Variants in ADGRV1 observed in about 807,000 individuals in gnomAD.
ADGRV1 encodes the protein adhesion G protein-coupled receptor V1.
In ADGRV1, 359 loss-of-function variants were observed where a neutral mutation model predicts 596.2. That is an observed-to-expected ratio of 0.60 (90% confidence interval 0.55 to 0.66). ADGRV1 has a LOEUF of 0.66. ADGRV1 is among the 30% of genes least tolerant of loss of function. ADGRV1 has a pLI of 0.00. For synonymous variants in ADGRV1, 2,681 were observed against 2,679.2 expected, an observed-to-expected ratio of 1.00 and a Z score of -0.02; for missense variants, 7,274 against 7,575.6, an observed-to-expected ratio of 0.96 and a Z score of 1.48.
At chr5:91,021,006 A>G (rs1783589593) in intron 85 of ADGRV1, among the ~76,000 whole-genome samples, 1 of 152,068 alleles carries the variant, frequency 6.6e-6, no homozygotes, top group Non-Finnish European at 1.5e-5. Context: ...TAATATGTAA[A>G]TGAGAGTTTA....
At chr5:90,799,484 G>A (rs995448509) in intron 70 of ADGRV1, among the ~76,000 whole-genome samples, 28 of 152,216 alleles carry the variant, frequency 1.8e-4, no homozygotes, top group African/African-American at 5.5e-4. Flanking sequence ...AATTAATATC[G>A]TTAAAATGGC....
chr5:90,943,668 G>C (rs1426364245), intron 83 of ADGRV1, among the ~76,000 whole-genome samples: 1 of 152,090 alleles, frequency 6.6e-6, no homozygotes, highest in African/African-American at 2.4e-5. Context: ...CTAAAAAGTA[G>C]GGAAGAATCC....
intron 25 of ADGRV1, among the ~76,000 whole-genome samples, chr5:90,678,490 C>T (rs1328993962): frequency 6.6e-6 from 1 of 150,608 alleles, no homozygotes; most frequent in Non-Finnish European, 1.5e-5. Context: ...ATCTTTATAA[C>T]TCTTAGTCCA....
intron 52 of ADGRV1, among the ~76,000 whole-genome samples, chr5:90,747,231 C>T (rs1014668947): frequency 1.3e-5 from 2 of 152,040 alleles, no homozygotes; most frequent in Non-Finnish European, 2.9e-5. Context: ...AGCAAAGGCC[C>T]TGCAGTGTAG....
At chr5:90,675,595 G>A in intron 24 of ADGRV1, 150 bp downstream of exon 24, 1 of 766,232 alleles carries the variant, frequency 1.3e-6, no homozygotes, top group Admixed American at 2.5e-5. Context: ...GATTGCTTGA[G>A]GCCACCAGCA....
intron 85 of ADGRV1, among the ~76,000 whole-genome samples, chr5:91,071,746 A>G (rs1306042218): frequency 2.6e-5 from 4 of 151,548 alleles, no homozygotes; most frequent in African/African-American, 7.3e-5. Flanking sequence ...ATGATCTTGG[A>G]TCATTGCAAC....
intron 83 of ADGRV1, among the ~76,000 whole-genome samples, chr5:90,951,663 A>G (rs1581612087): frequency 1.3e-5 from 2 of 152,286 alleles, no homozygotes; most frequent in South Asian, 4.1e-4. Context: ...TCCAATTCAA[A>G]CTTAAATTTT....
At chr5:90,976,551 G>A (rs187217180) in intron 84 of ADGRV1, among the ~76,000 whole-genome samples, 14 of 151,852 alleles carry the variant, frequency 9.2e-5, no homozygotes, top group African/African-American at 2.9e-4. Context: ...GTTTACTTGA[G>A]CCATATCCAT....
intron 83 of ADGRV1, among the ~76,000 whole-genome samples, chr5:90,900,746 G>A (rs2150635708): frequency 6.6e-6 from 1 of 152,182 alleles, no homozygotes; most frequent in South Asian, 2.1e-4. Context: ...AGACATATGA[G>A]TTTGTGCTTC....
Position 90,763,263 on chromosome 5 carries a change from GT to G in ADGRV1, c.12121-31del, listed in dbSNP as rs748905721. On this transcript the variant is annotated intron_variant, in intron 58 of 89. Transcript: ENST00000405460. ...TCTACTTGTTTATCCTGCTCTTTTT[GT>G]TTTTTTTTTTGTTTGGCCTTACTGA... 0.017 allele frequency: 17,427 copies of G among 1,026,350 alleles called. No individual in the cohort carries two copies. The highest frequency in any genetic ancestry group is 0.022 in the South Asian group (908 of 41,976). 63.6% of individuals were successfully genotyped at this position (1,026,350 alleles called of 1,614,324 possible).
At chr5:90,622,291 G>C (rs1225830273) in intron 4 of ADGRV1, among the ~76,000 whole-genome samples, 1 of 152,178 alleles carries the variant, frequency 6.6e-6, no homozygotes, top group African/African-American at 2.4e-5. Context: ...GTGAGCATTT[G>C]AGTTTGTCAC....
At chr5:90,626,604 AAAAG>A (rs1764794484) in intron 6 of ADGRV1, 1 of 152,342 alleles carries the variant, frequency 6.6e-6, no homozygotes, top group South Asian at 2.1e-4. Context: ...AAGGAAAAAA[AAAAG>A]AAAGAAAAAA....
At chr5:90,937,549 C>T (rs1355424094) in intron 83 of ADGRV1, among the ~76,000 whole-genome samples, 2 of 151,490 alleles carry the variant, frequency 1.3e-5, no homozygotes, top group Admixed American at 6.6e-5. Context: ...GCTCCGCCTC[C>T]CGGGTTCACG....
intron 83 of ADGRV1, among the ~76,000 whole-genome samples, chr5:90,901,522 C>T (rs1771838465): frequency 6.6e-6 from 1 of 152,134 alleles, no homozygotes; most frequent in Admixed American, 6.6e-5. Context: ...TTGACTTTTG[C>T]TCCAGCTACT....
At chr5:90,635,359 A>G in intron 10 of ADGRV1, 69 bp downstream of exon 10, 1 of 1,380,560 alleles carries the variant, frequency 7.2e-7, no homozygotes, top group African/African-American at 1.4e-5. Context: ...TATTTTTAAA[A>G]TAAGATCAGC....
chr5:90,732,873 G>C (rs1453628730), intron 50 of ADGRV1, among the ~76,000 whole-genome samples: 1 of 152,204 alleles, frequency 6.6e-6, no homozygotes, highest in Non-Finnish European at 1.5e-5. Flanking sequence ...TATGCAAACA[G>C]TTTTGACCTC....
At chr5:90,678,214 G>A (rs956792730) in intron 25 of ADGRV1, among the ~76,000 whole-genome samples, 1 of 151,974 alleles carries the variant, frequency 6.6e-6, no homozygotes, top group African/African-American at 2.4e-5. Flanking sequence ...GAGAAGAGAG[G>A]GCAGATCTTA....
chr5:90,930,451 A>G (rs1426480666), intron 83 of ADGRV1, among the ~76,000 whole-genome samples: 1 of 152,216 alleles, frequency 6.6e-6, no homozygotes, highest in Non-Finnish European at 1.5e-5. Context: ...ACCAAATGGT[A>G]ATACTTTTAT....
intron 85 of ADGRV1, among the ~76,000 whole-genome samples, chr5:90,996,432 GCA>G (rs1490421212): frequency 6.6e-6 from 1 of 152,202 alleles, no homozygotes; most frequent in Non-Finnish European, 1.5e-5. Flanking sequence ...GCCTGTGGGT[GCA>G]CAGAGTACAA....
Sources: allele counts gnomAD v4.1 joint callset (sites outside exome capture counted in the v4.1 genomes callset), GRCh38; gene constraint gnomAD v4.1.1; transcripts MANE v1.5; gene names NCBI Gene and HGNC (gene_info 2026-07-23, HGNC 2026-07-21).